The following GPC5 variants were observed in gnomAD, a reference collection of about 807,000 sequenced individuals.
GPC5 encodes glypican-5.
GPC5 carries 47 observed loss-of-function variants against 53.9 expected under a neutral mutation model. That is an observed-to-expected ratio of 0.87 (90% CI 0.69 to 1.11). The LOEUF is 1.11. GPC5 is among the 50% of genes most tolerant of loss of function. The pLI is 0.00. For synonymous variants in GPC5, 286 were observed against 263.3 expected, an observed-to-expected ratio of 1.09 and a Z score of -0.84; for missense variants, 748 against 713.1, an observed-to-expected ratio of 1.05 and a Z score of -0.56.
At chr13:92,860,382 C>A (rs1188241547) in intron 7 of GPC5, among the ~76,000 whole-genome samples, 1 of 152,050 alleles carries the variant, frequency 6.6e-6, no homozygotes, top group African/African-American at 2.4e-5. Context: ...TTCTTTGGTT[C>A]TCGGGTTATA....
intron 3 of GPC5, among the ~76,000 whole-genome samples, chr13:91,703,080 A>T (rs1206148766): frequency 6.6e-6 from 1 of 151,858 alleles, no homozygotes; most frequent in African/African-American, 2.4e-5. Context: ...CTTTTCTTGG[A>T]GTATTTAGGG....
chr13:92,466,887 A>G (rs926381922), intron 7 of GPC5, among the ~76,000 whole-genome samples: 4 of 152,126 alleles, frequency 2.6e-5, no homozygotes, highest in South Asian at 4.1e-4. Flanking sequence ...GGAGAGTATT[A>G]CTGCTTCTGA....
chr13:91,778,845 A>G (rs2037752158), intron 5 of GPC5, among the ~76,000 whole-genome samples: 1 of 152,254 alleles, frequency 6.6e-6, no homozygotes, highest in Non-Finnish European at 1.5e-5. Flanking sequence ...TATCTATGCA[A>G]GCTTAGATGA....
At chr13:92,502,440 A>T (rs910583248) in intron 7 of GPC5, among the ~76,000 whole-genome samples, 20 of 150,418 alleles carry the variant, frequency 1.3e-4, no homozygotes, top group South Asian at 2.1e-4. Context: ...AGAATGGATT[A>T]AAAAAAACAT....
At chr13:92,659,295 A>G (rs533357569) in intron 7 of GPC5, 1 of 151,902 alleles carries the variant, frequency 6.6e-6, no homozygotes, top group Non-Finnish European at 1.5e-5. Context: ...TTCTTTTGCT[A>G]TTGAATTGTA....
intron 7 of GPC5, among the ~76,000 whole-genome samples, chr13:92,427,774 A>T (rs1876900762): frequency 6.6e-6 from 1 of 152,152 alleles, no homozygotes; most frequent in Non-Finnish European, 1.5e-5. Context: ...GTATTTGTAA[A>T]ATAAATCCAA....
chr13:91,652,927 G>A (rs554433020), intron 2 of GPC5, among the ~76,000 whole-genome samples: 6 of 152,212 alleles, frequency 3.9e-5, no homozygotes, highest in African/African-American at 1.4e-4. Flanking sequence ...TCTGTCTCTG[G>A]CTAAAGAATA....
At chr13:92,568,026 G>A (rs1259492531) in intron 7 of GPC5, among the ~76,000 whole-genome samples, 1 of 152,106 alleles carries the variant, frequency 6.6e-6, no homozygotes, top group Non-Finnish European at 1.5e-5. Context: ...ATTTAGTTTA[G>A]TTTGTTATAA....
At chr13:91,901,328 A>T (rs1374628293) in intron 5 of GPC5, among the ~76,000 whole-genome samples, 1 of 152,080 alleles carries the variant, frequency 6.6e-6, no homozygotes, top group African/African-American at 2.4e-5. Flanking sequence ...TTGAAGTGAG[A>T]TAGTGGGATC....
intron 7 of GPC5, among the ~76,000 whole-genome samples, chr13:92,309,094 T>C (rs965839287): frequency 4.6e-5 from 7 of 152,080 alleles, no homozygotes; most frequent in African/African-American, 1.7e-4. Flanking sequence ...GAAAATAAGA[T>C]AGCATCTGCA....
chr13:92,226,033 C>A (rs948757248), intron 7 of GPC5, among the ~76,000 whole-genome samples: 3 of 152,068 alleles, frequency 2.0e-5, no homozygotes, highest in African/African-American at 7.2e-5. Flanking sequence ...GTGGATTTCC[C>A]CTTGCTGTTA....
chr13:91,453,165 G>A (rs1228806960), intron 2 of GPC5, among the ~76,000 whole-genome samples: 1 of 151,638 alleles, frequency 6.6e-6, no homozygotes, highest in Non-Finnish European at 1.5e-5. Context: ...TGTCCTCTGG[G>A]GTTGAAATGT....
At chr13:92,754,227 C>A (rs1874736928) in intron 7 of GPC5, among the ~76,000 whole-genome samples, 1 of 152,084 alleles carries the variant, frequency 6.6e-6, no homozygotes, top group South Asian at 2.1e-4. Flanking sequence ...TCCAGCCAAA[C>A]TAAGCTTCAT....
At chr13:92,612,942 A>T (rs1273829927) in intron 7 of GPC5, among the ~76,000 whole-genome samples, 1 of 151,970 alleles carries the variant, frequency 6.6e-6, no homozygotes, top group African/African-American at 2.4e-5. Context: ...TAAACACCTT[A>T]CATGTATTAA....
intron 3 of GPC5, among the ~76,000 whole-genome samples, chr13:91,709,045 T>C (rs1241115680): frequency 1.3e-5 from 2 of 152,174 alleles, no homozygotes; most frequent in African/African-American, 4.8e-5. Context: ...GTCTGATACA[T>C]TTAAGTAAGA....
chr13:92,787,228 C>A (rs1303464826), intron 7 of GPC5, among the ~76,000 whole-genome samples: 1 of 151,900 alleles, frequency 6.6e-6, no homozygotes, highest in Non-Finnish European at 1.5e-5. Context: ...AAAATAAATT[C>A]CCTGCCAAAA....
At chr13:92,625,189 T>A (rs537894893) in intron 7 of GPC5, among the ~76,000 whole-genome samples, 1 of 152,318 alleles carries the variant, frequency 6.6e-6, no homozygotes, top group African/African-American at 2.4e-5. Context: ...GAATACAAGT[T>A]TACTAATACA....
At chr13:92,742,305 T>C (rs1465959842) in intron 7 of GPC5, among the ~76,000 whole-genome samples, 5 of 152,114 alleles carry the variant, frequency 3.3e-5, no homozygotes, top group Non-Finnish European at 5.9e-5. Flanking sequence ...TATCTCATTG[T>C]GGTTTTGATT....
At chr13:92,487,502 T>C (rs1301110162) in intron 7 of GPC5, among the ~76,000 whole-genome samples, 1 of 152,172 alleles carries the variant, frequency 6.6e-6, no homozygotes, top group East Asian at 1.9e-4. Context: ...ATCTATAAGA[T>C]GGTATGATTA....
Sources: gnomAD v4.1 joint callset for allele counts (sites outside exome capture counted in the v4.1 genomes callset) on GRCh38, gnomAD v4.1.1 for gene constraint, MANE v1.5 for transcripts, NCBI Gene and HGNC (gene_info 2026-07-23, HGNC 2026-07-21) for gene names.